KCNN2: variants seen among roughly 807,000 people sequenced by gnomAD.
KCNN2 encodes potassium calcium-activated channel subfamily N member 2.
A neutral mutation model predicts 55.5 loss-of-function variants in KCNN2; 24 were observed. The observed-to-expected ratio is 0.43, with a 90% CI of 0.31 to 0.61. The LOEUF (loss-of-function observed/expected upper bound fraction) is 0.61. Ranked by LOEUF, KCNN2 falls within the 20% of genes least tolerant of loss-of-function variation. The pLI, the probability that KCNN2 is intolerant of heterozygous loss-of-function variation, is 0.08. For missense variants in KCNN2, 754 were observed against 853.6 expected (o/e 0.88, Z 1.45); for synonymous variants, 431 against 336.1 (o/e 1.28, Z -3.09).
chr5:114,127,362 C>G (rs895605076), intron 1 of KCNN2, among the ~76,000 whole-genome samples: 2 of 152,164 alleles, frequency 1.3e-5, no homozygotes, highest in African/African-American at 4.8e-5. Flanking sequence ...AGTGGAGGTT[C>G]CCCAACGTCA....
chr5:114,098,013 G>A (rs1033660442), intron 1 of KCNN2, among the ~76,000 whole-genome samples: 2 of 152,054 alleles, frequency 1.3e-5, no homozygotes, highest in Admixed American at 6.6e-5. Context: ...TTAAGGTGTC[G>A]GAAAGGCTGG....
intron 2 of KCNN2, among the ~76,000 whole-genome samples, chr5:114,385,514 TGC>T (rs369914146): frequency 0.037 from 2,996 of 81,450 alleles, 36 homozygotes; most frequent in African/African-American, 0.064. Context: ...CATACACACA[TGC>T]GCGCACACAC....
intron 2 of KCNN2, among the ~76,000 whole-genome samples, chr5:114,290,954 T>C (rs892603805): frequency 6.6e-6 from 1 of 152,098 alleles, no homozygotes; most frequent in Non-Finnish European, 1.5e-5. Context: ...TTTTATATGG[T>C]TGCAATCCTT....
intron 2 of KCNN2, among the ~76,000 whole-genome samples, chr5:114,400,303 G>A (rs1433524367): frequency 2.6e-5 from 4 of 152,250 alleles, no homozygotes; most frequent in African/African-American, 4.8e-5. Context: ...AGACAATTTG[G>A]TATGCTATAA....
At chr5:114,399,931 T>TG (rs1758735647) in intron 2 of KCNN2, among the ~76,000 whole-genome samples, 1 of 80,344 alleles carries the variant, frequency 1.2e-5, no homozygotes, top group Non-Finnish European at 2.5e-5. Context: ...TTTTTTTTTG[T>TG]TTTTTTTTTT....
intron 1 of KCNN2, among the ~76,000 whole-genome samples, chr5:114,161,912 G>A (rs1354922449): frequency 2.0e-5 from 3 of 152,090 alleles, no homozygotes; most frequent in African/African-American, 4.8e-5. Flanking sequence ...TCTAGTTTTT[G>A]TTCAAGGTTT....
chr5:114,441,175 T>C (rs1464284739), intron 3 of KCNN2, among the ~76,000 whole-genome samples: 1 of 152,204 alleles, frequency 6.6e-6, no homozygotes, highest in Admixed American at 6.5e-5. Flanking sequence ...TTTAATTATA[T>C]AGCCTCAAAA....
chr5:114,249,309 A>T (rs1358241856), intron 2 of KCNN2, among the ~76,000 whole-genome samples: 1 of 146,488 alleles, frequency 6.8e-6, no homozygotes, highest in Non-Finnish European at 1.5e-5. Context: ...AATGAGAGGG[A>T]ATCTGGCTCT....
At chr5:114,172,925 C>A (rs544535247) in intron 1 of KCNN2, among the ~76,000 whole-genome samples, 1 of 151,918 alleles carries the variant, frequency 6.6e-6, no homozygotes, top group East Asian at 1.9e-4. Flanking sequence ...TATGCAGAAG[C>A]TTTTTAACTT....
At chr5:114,244,551 C>T (rs182743469) in intron 2 of KCNN2, among the ~76,000 whole-genome samples, 4 of 151,066 alleles carry the variant, frequency 2.6e-5, no homozygotes, top group African/African-American at 4.9e-5. Context: ...GAGCCGAGAT[C>T]GCGCCATTGC....
At chr5:114,353,605 G>C (rs1441051980) in intron 2 of KCNN2, among the ~76,000 whole-genome samples, 1 of 151,832 alleles carries the variant, frequency 6.6e-6, no homozygotes, top group East Asian at 1.9e-4. Context: ...CAGCCTGAAA[G>C]CTTTCTTTAG....
chr5:114,363,210 C>T lies in KCNN2; in HGVS notation c.1071C>T (p.Gly357=). The change falls in exon 1 of 8, where the codon GGC becomes GGT. Residue 357 remains glycine (G), a synonymous_variant. Coordinates refer to ENST00000673685, the MANE Select transcript of KCNN2 (RefSeq NM_021614.4). Reference sequence around the variant, plus strand: ...ACGCGCTCATCTTCGGCATGTTCGGCATCGTGGTCATGGTCATCGAGACCG... The same window carrying T: ...ACGCGCTCATCTTCGGCATGTTCGGTATCGTGGTCATGGTCATCGAGACCG... The part of the protein sequence containing the change: ...SDYALIFGMF[G]IVVMVIETEL... 1 of 1,613,322 alleles carries T rather than the reference C, an allele frequency of 6.2e-7. No homozygotes were observed. Among genetic ancestry groups the T allele is most frequent in the Non-Finnish European group, 8.5e-7 (1 of 1,179,980 alleles).
intron 1 of KCNN2, among the ~76,000 whole-genome samples, chr5:114,168,172 T>TACACACAC (rs769162956): frequency 1.1e-4 from 14 of 127,152 alleles, no homozygotes; most frequent in South Asian, 3.2e-4. Context: ...TGTGGATATA[T>TACACACAC]ATACACACAC....
chr5:114,227,640 T>C (rs916310044), intron 2 of KCNN2, among the ~76,000 whole-genome samples: 2 of 152,330 alleles, frequency 1.3e-5, no homozygotes, highest in East Asian at 3.9e-4. Context: ...CATAAGTACC[T>C]TAATGCTTTT....
intron 1 of KCNN2, among the ~76,000 whole-genome samples, chr5:114,169,914 T>C (rs968684227): frequency 3.3e-5 from 5 of 152,104 alleles, no homozygotes; most frequent in Non-Finnish European, 7.4e-5. Context: ...AATAGGAATA[T>C]AATTTAGGCC....
intron 2 of KCNN2, among the ~76,000 whole-genome samples, chr5:114,283,751 C>T (rs4572993): frequency 0.11 from 17,137 of 152,104 alleles, 1,194 homozygotes; most frequent in South Asian, 0.21. Flanking sequence ...TTCCAGGTAC[C>T]TGGGAGTGAA....
chr5:114,097,187 T>C (rs1483882947), intron 1 of KCNN2, among the ~76,000 whole-genome samples: 1 of 152,226 alleles, frequency 6.6e-6, no homozygotes, highest in Non-Finnish European at 1.5e-5. Context: ...TTCTTTTTCT[T>C]GTAGGTGACA....
At chr5:114,230,275 T>C (rs1320253640) in intron 2 of KCNN2, among the ~76,000 whole-genome samples, 3 of 119,132 alleles carry the variant, frequency 2.5e-5, no homozygotes, top group South Asian at 6.1e-4. Flanking sequence ...TTCTTTTTTT[T>C]TTTCTTTCTT....
chr5:114,285,127 T>TA (rs1283784981), intron 2 of KCNN2, among the ~76,000 whole-genome samples: 1 of 149,780 alleles, frequency 6.7e-6, no homozygotes, highest in African/African-American at 2.5e-5. Context: ...CTAAAAAATG[T>TA]AAAAAAATTA....
Sources: gnomAD v4.1 joint callset for allele counts (sites outside exome capture counted in the v4.1 genomes callset) on GRCh38, gnomAD v4.1.1 for gene constraint, MANE v1.5 for transcripts, NCBI Gene and HGNC (gene_info 2026-07-23, HGNC 2026-07-21) for gene names.